The following ZFP2 variants were observed in gnomAD, a reference collection of about 807,000 sequenced individuals.
ZFP2 encodes the protein zinc finger protein ZFP2.
In ZFP2, 33 loss-of-function variants were observed where a neutral mutation model predicts 36.1. The ratio of observed to expected loss-of-function variants is 0.92; its 90% CI spans 0.69 to 1.22. ZFP2 has a LOEUF of 1.22. ZFP2 is among the 50% of genes most tolerant of loss of function. ZFP2 has a pLI of 0.00. For synonymous variants in ZFP2, 170 were observed against 178.0 expected, an observed-to-expected ratio of 0.96 and a Z score of 0.36; for missense variants, 522 against 551.4, an observed-to-expected ratio of 0.95 and a Z score of 0.53.
chr5:178,906,335 A>G lies in ZFP2; in HGVS notation c.-449-6249A>G, dbSNP rs1346496844. ...GGGAATCTTGCATTTCTGATTTGAT[A>G]CCTTCTTTCACCAAAAAGAGGCTTA... On this transcript the variant is annotated intron_variant, in intron 1 of 4. Coordinates refer to ENST00000361362, the MANE Select transcript of ZFP2 (RefSeq NM_030613.4). 2.0e-5 allele frequency among the ~76,000 whole-genome samples: 3 copies of G among 152,130 alleles called. No homozygotes were observed. In the East Asian group the frequency reaches 5.8e-4, roughly 29 times the overall value.
intron 1 of ZFP2, chr5:178,910,694 CAGA>C (rs986361654): frequency 4.6e-5 from 14 of 306,468 alleles, no homozygotes; most frequent in African/African-American, 3.1e-4. Flanking sequence ...TGTCATCAGT[CAGA>C]GGAGCTAGCC....
chr5:178,915,571 C>T (rs2113092346), intron 3 of ZFP2: 1 of 152,004 alleles, frequency 6.6e-6, no homozygotes, highest in Admixed American at 6.6e-5. Flanking sequence ...ACCTCAGCCT[C>T]CCAAAGTGCT....
At position 178,922,236 on chromosome 5, in the gene ZFP2, T is replaced by G. The variant is rs533587398; in HGVS notation, c.-78+5526T>G. The G allele has an allele frequency of 7.5e-6, 8 of 1,063,196 alleles. No homozygotes were observed. In the East Asian group the frequency reaches 1.9e-4, roughly 25 times the overall value. The allele number at this position is 1,063,196 out of a possible 1,614,324, so 65.9% of individuals were successfully genotyped here. The stretch of plus-strand genomic sequence containing the variant: ...TTTGTAACTGCTGTCAGTCTAGTAC[T>G]ATATTTAGTAGTGAAACCAAATACA... On this transcript the variant is annotated intron_variant, in intron 4 of 4. Transcript: ENST00000361362.
At chr5:178,910,352 C>A in intron 1 of ZFP2, 1 of 1,087,242 alleles carries the variant, frequency 9.2e-7, no homozygotes, top group Non-Finnish European at 1.4e-6. Context: ...CTTCCAACCC[C>A]TGCAAGGAAG....
chr5:178,917,440 C>T (rs982231064), intron 4 of ZFP2, among the ~76,000 whole-genome samples: 3 of 152,030 alleles, frequency 2.0e-5, no homozygotes, highest in African/African-American at 4.8e-5. Context: ...CATGGTGAAA[C>T]CCCGTCTCTA....
chr5:178,900,849 G>A (rs935820605), intron 1 of ZFP2, among the ~76,000 whole-genome samples: 2 of 151,268 alleles, frequency 1.3e-5, no homozygotes, highest in East Asian at 1.9e-4. Flanking sequence ...TCTACTCCAC[G>A]TCCCCCACCC....
chr5:178,896,211 CCTT>C (rs1376859682), intron 1 of ZFP2, among the ~76,000 whole-genome samples: 1 of 152,232 alleles, frequency 6.6e-6, no homozygotes, highest in Non-Finnish European at 1.5e-5. Context: ...AGCTGAGTGT[CCTT>C]CGGCGCTGTC....
At chr5:178,901,126 T>C (rs1394776474) in intron 1 of ZFP2, among the ~76,000 whole-genome samples, 1 of 152,108 alleles carries the variant, frequency 6.6e-6, no homozygotes, top group Non-Finnish European at 1.5e-5. Context: ...AAAACTGCTC[T>C]GTACATTCAT....
chr5:178,904,044 A>C (rs1758116964), intron 1 of ZFP2, among the ~76,000 whole-genome samples: 1 of 152,156 alleles, frequency 6.6e-6, no homozygotes, highest in African/African-American at 2.4e-5. Context: ...AAGATAATAT[A>C]AATCTTTTTC....
At chr5:178,922,504 T>G in intron 4 of ZFP2, 1 of 1,376,678 alleles carries the variant, frequency 7.3e-7, no homozygotes. Flanking sequence ...GAAATGGAGT[T>G]ACATCCATAT....
chr5:178,932,368 A>G lies in ZFP2; in HGVS notation c.1055A>G (p.Lys352Arg). Residue 352 changes from lysine to arginine, a missense_variant, in exon 5 of 5, where the codon AAA becomes AGA. Lys to Arg is a conservative substitution (Grantham distance 26, BLOSUM62 2). Coordinates refer to ENST00000361362, the MANE Select transcript of ZFP2 (RefSeq NM_030613.4). ...CATCGGAGAATTCACACTGGAGAGA[A>G]ACCTTATGAGTGTATGGTGTGTGGA... ...TQHRRIHTGE[K>R]PYECMVCGKH... The G allele has an allele frequency of 6.2e-7, 1 of 1,614,160 alleles. No individual in the cohort carries two copies. The highest frequency in any genetic ancestry group is 2.2e-5 in the East Asian group (1 of 44,878).
intron 4 of ZFP2, among the ~76,000 whole-genome samples, chr5:178,925,126 T>TATAC (rs1176286324): frequency 1.5e-5 from 2 of 133,566 alleles, no homozygotes; most frequent in African/African-American, 5.5e-5. Flanking sequence ...TATATATATA[T>TATAC]ACACACACAC....
chr5:178,905,765 T>G (rs760562948), intron 1 of ZFP2, among the ~76,000 whole-genome samples: 1 of 152,058 alleles, frequency 6.6e-6, no homozygotes, highest in Non-Finnish European at 1.5e-5. Context: ...TTTTTCTTTT[T>G]TTTGGAGACA....
chr5:178,907,828 T>G (rs1322771537), intron 1 of ZFP2, among the ~76,000 whole-genome samples: 1 of 152,200 alleles, frequency 6.6e-6, no homozygotes, highest in Non-Finnish European at 1.5e-5. Context: ...AGAAGTCTAC[T>G]TCCAGCAAAA....
chr5:178,932,079 C>T lies in ZFP2; in HGVS notation c.766C>T (p.His256Tyr). 1 of 1,613,834 alleles carries T rather than the reference C, an allele frequency of 6.2e-7. No homozygotes were observed. The highest frequency in any genetic ancestry group is 8.5e-7 in the Non-Finnish European group (1 of 1,179,936). ...ECGKAFSQSM[H>Y]LIVHQRSHTG... ...TGGAAAAGCCTTCAGTCAAAGCATG[C>T]ATCTTATTGTACATCAGAGAAGCCA... is the stretch of plus-strand genomic sequence containing the variant. Residue 256 changes from histidine (H) to tyrosine (Y), a missense_variant, in exon 5 of 5, where the codon CAT becomes TAT. Physicochemically the swap from His to Tyr is moderately conservative, Grantham distance 83. Transcript: ENST00000361362.
intron 4 of ZFP2, among the ~76,000 whole-genome samples, chr5:178,930,322 T>TCC (rs1251302386): frequency 4.2e-5 from 5 of 119,616 alleles, no homozygotes; most frequent in African/African-American, 6.5e-5. Context: ...TCCTTTTTTT[T>TCC]TTTTTTTTTT....
intron 4 of ZFP2, among the ~76,000 whole-genome samples, chr5:178,928,991 A>C (rs980946433): frequency 6.6e-6 from 1 of 152,210 alleles, no homozygotes; most frequent in African/African-American, 2.4e-5. Context: ...CAAAGCTGCC[A>C]AGGCTTACAG....
chr5:178,922,480 A>G, intron 4 of ZFP2: 3 of 1,372,512 alleles, frequency 2.2e-6, no homozygotes, highest in Non-Finnish European at 3.1e-6. Context: ...AAGCATGGCT[A>G]AGAGTTTTCA....
Position 178,931,845 on chromosome 5 carries a change from C to G in ZFP2, c.532C>G (p.Arg178Gly). The change falls in exon 5 of 5, where the codon CGA (arginine) becomes GGA (glycine). Residue 178 changes from arginine (R) to glycine (G), a missense_variant. Arg to Gly is a moderately radical substitution (Grantham distance 125, BLOSUM62 -2). Coordinates refer to ENST00000361362, the MANE Select transcript of ZFP2 (RefSeq NM_030613.4). The part of the protein sequence containing the change: ...SQSMNLTVHQ[R>G]THTGEKPYQC... The stretch of plus-strand genomic sequence containing the variant: ...GAGCATGAATCTTACTGTCCATCAA[C>G]GAACTCACACCGGAGAGAAACCCTA... 1 of 1,612,232 alleles carries G rather than the reference C, an allele frequency of 6.2e-7. No individual in the cohort carries two copies. The highest frequency in any genetic ancestry group is 8.5e-7 in the Non-Finnish European group (1 of 1,178,770).
Sources: gnomAD v4.1 joint callset for allele counts (sites outside exome capture counted in the v4.1 genomes callset) on GRCh38, gnomAD v4.1.1 for gene constraint, MANE v1.5 for transcripts, NCBI Gene and HGNC (gene_info 2026-07-23, HGNC 2026-07-21) for gene names.